KIAA1328: variants seen among roughly 807,000 people sequenced by gnomAD.
KIAA1328 encodes protein hinderin.
Under a neutral mutation model 68.1 loss-of-function variants are expected in KIAA1328, and 52 were observed. The ratio of observed to expected loss-of-function variants is 0.76; its 90% CI spans 0.61 to 0.96. The LOEUF (loss-of-function observed/expected upper bound fraction) is 0.96. KIAA1328 is among the 40% of genes least tolerant of loss of function. KIAA1328 has a pLI of 0.00. For missense variants in KIAA1328, 641 were observed against 677.6 expected (o/e 0.95, Z 0.60); for synonymous variants, 232 against 239.4 (o/e 0.97, Z 0.28).
intron 4 of KIAA1328, among the ~76,000 whole-genome samples, chr18:36,871,079 T>A (rs564053285): frequency 1.6e-4 from 24 of 152,198 alleles, no homozygotes; most frequent in Non-Finnish European, 2.6e-4. Flanking sequence ...TGGTTGCCCT[T>A]CAACCTTAGC....
intron 6 of KIAA1328, among the ~76,000 whole-genome samples, chr18:37,058,025 A>G (rs2055990253): frequency 6.6e-6 from 1 of 152,190 alleles, no homozygotes; most frequent in African/African-American, 2.4e-5. Context: ...TAGAGAAAGT[A>G]TGGATATATG....
intron 7 of KIAA1328, among the ~76,000 whole-genome samples, chr18:37,147,284 A>G (rs1211985102): frequency 6.6e-6 from 1 of 152,242 alleles, no homozygotes; most frequent in Non-Finnish European, 1.5e-5. Flanking sequence ...GTGAATTTAA[A>G]TAAAGTTCTT....
chr18:36,835,392 G>C lies in KIAA1328; in HGVS notation c.237+16G>C, dbSNP rs201881677. 2 of 1,600,348 alleles carry C rather than the reference G, an allele frequency of 1.2e-6. No homozygotes were observed. Among genetic ancestry groups the C allele is most frequent in the Non-Finnish European group, 1.7e-6 (2 of 1,174,690 alleles). On this transcript the variant is annotated intron_variant, in intron 3 of 9. Transcript: ENST00000280020. ...AGATGAACAGGTTAGTATTTTTTTC[G>C]TCTTTTTTTTTCCTTGCTCTCCAGT...
intron 7 of KIAA1328, among the ~76,000 whole-genome samples, chr18:37,152,994 TG>T (rs2059070498): frequency 6.6e-6 from 1 of 152,150 alleles, no homozygotes; most frequent in Non-Finnish European, 1.5e-5. Context: ...TACTTTTCTT[TG>T]TCAACCACAT....
At chr18:37,002,489 G>T (rs1194080185) in intron 6 of KIAA1328, among the ~76,000 whole-genome samples, 1 of 151,508 alleles carries the variant, frequency 6.6e-6, no homozygotes, top group African/African-American at 2.4e-5. Flanking sequence ...AAAGTTTTGG[G>T]AATATAGATG....
chr18:37,137,869 C>G (rs1308456802), intron 7 of KIAA1328, among the ~76,000 whole-genome samples: 1 of 152,094 alleles, frequency 6.6e-6, no homozygotes, highest in Non-Finnish European at 1.5e-5. Context: ...TCCTGAGGTC[C>G]AAACCTGTCC....
chr18:37,152,086 T>C (rs1191339645), intron 7 of KIAA1328, among the ~76,000 whole-genome samples: 1 of 120,102 alleles, frequency 8.3e-6, no homozygotes, highest in Admixed American at 9.7e-5. Context: ...TTAGTTGGAA[T>C]GGACCTATGT....
At chr18:36,926,379 CTCTCTATTTATT>C (rs747687398) in intron 5 of KIAA1328, among the ~76,000 whole-genome samples, 27 of 119,898 alleles carry the variant, frequency 2.3e-4, no homozygotes, top group South Asian at 3.5e-4. Flanking sequence ...CTATCTCTCT[CTCTCTATTTATT>C]TATTTATTTA....
chr18:37,056,035 A>G (rs932314595), intron 6 of KIAA1328, among the ~76,000 whole-genome samples: 4 of 152,226 alleles, frequency 2.6e-5, no homozygotes, highest in Admixed American at 6.5e-5. Flanking sequence ...TCACCTCTTT[A>G]TGAGACTGAC....
chr18:36,968,516 A>G (rs916647421), intron 6 of KIAA1328, among the ~76,000 whole-genome samples: 1 of 147,994 alleles, frequency 6.8e-6, no homozygotes, highest in African/African-American at 2.5e-5. Context: ...AGAATCAGAA[A>G]ACAAAGATCA....
chr18:37,205,605 C>G (rs1302987452), intron 9 of KIAA1328, among the ~76,000 whole-genome samples: 3 of 152,120 alleles, frequency 2.0e-5, no homozygotes, highest in Non-Finnish European at 2.9e-5. Flanking sequence ...TCCAAAAGGT[C>G]AAAAGTCATG....
chr18:37,038,402 TATAA>T (rs2055114355), intron 6 of KIAA1328, among the ~76,000 whole-genome samples: 1 of 152,172 alleles, frequency 6.6e-6, no homozygotes. Context: ...ACTTTATTCC[TATAA>T]ATTTTATTCA....
intron 6 of KIAA1328, among the ~76,000 whole-genome samples, chr18:36,995,973 A>G (rs1411959916): frequency 2.0e-5 from 3 of 152,128 alleles, no homozygotes; most frequent in Non-Finnish European, 4.4e-5. Context: ...ACTTTTGTTT[A>G]TTGGTCACTT....
chr18:37,167,837 C>T (rs111476731), intron 8 of KIAA1328, among the ~76,000 whole-genome samples: 3 of 152,152 alleles, frequency 2.0e-5, no homozygotes, highest in Non-Finnish European at 4.4e-5. Context: ...GTGGAACCCT[C>T]ACCAGGGACC....
At chr18:37,220,192 GAATTT>G (rs1423659833) in intron 9 of KIAA1328, among the ~76,000 whole-genome samples, 7 of 152,196 alleles carry the variant, frequency 4.6e-5, no homozygotes, top group African/African-American at 1.7e-4. Context: ...ATACATGTTG[GAATTT>G]AATTTTAAAT....
chr18:37,114,786 A>G (rs889860875), intron 7 of KIAA1328, among the ~76,000 whole-genome samples: 1 of 152,234 alleles, frequency 6.6e-6, no homozygotes, highest in Non-Finnish European at 1.5e-5. Context: ...AATAAAGAAG[A>G]AAAGAGAAAG....
At chr18:37,137,078 A>G (rs2058662507) in intron 7 of KIAA1328, among the ~76,000 whole-genome samples, 1 of 152,216 alleles carries the variant, frequency 6.6e-6, no homozygotes, top group African/African-American at 2.4e-5. Context: ...ATTAAAATCT[A>G]GTAACACCTT....
At chr18:36,874,987 G>C (rs1476749791) in intron 4 of KIAA1328, among the ~76,000 whole-genome samples, 5 of 152,080 alleles carry the variant, frequency 3.3e-5, no homozygotes. Context: ...CTGTAAATGT[G>C]TGGTATTATT....
intron 3 of KIAA1328, among the ~76,000 whole-genome samples, chr18:36,836,082 G>A (rs1042351170): frequency 3.3e-5 from 5 of 152,120 alleles, no homozygotes; most frequent in African/African-American, 1.2e-4. Flanking sequence ...ATGCCCACAA[G>A]CTAAAAACAT....
Sources: allele counts gnomAD v4.1 joint callset (sites outside exome capture counted in the v4.1 genomes callset), GRCh38; gene constraint gnomAD v4.1.1; transcripts MANE v1.5; gene names NCBI Gene and HGNC (gene_info 2026-07-23, HGNC 2026-07-21).